The following PRKN variants were observed in gnomAD, a reference collection of about 807,000 sequenced individuals.
The protein encoded by PRKN is E3 ubiquitin-protein ligase parkin.
PRKN carries 56 observed loss-of-function variants against 59.5 expected under a neutral mutation model. The observed-to-expected ratio is 0.94, with a 90% CI of 0.76 to 1.18. The LOEUF (loss-of-function observed/expected upper bound fraction) is 1.18, where lower values mean the gene tolerates loss of function less well. Among genes scored for constraint, PRKN ranks in the 50% most tolerant of loss-of-function variants. The pLI is 0.00. For synonymous variants in PRKN, 250 were observed against 222.1 expected (o/e 1.13, Z -1.12); for missense variants, 657 against 596.4 (o/e 1.10, Z -1.06).
intron 5 of PRKN, among the ~76,000 whole-genome samples, chr6:162,004,189 G>A (rs141130943): frequency 5.9e-5 from 9 of 152,248 alleles, no homozygotes; most frequent in Non-Finnish European, 1.2e-4. Context: ...ACTTGGTACT[G>A]TCCTAGTGAA....
At chr6:161,776,987 T>C (rs1332571200) in intron 7 of PRKN, among the ~76,000 whole-genome samples, 1 of 152,224 alleles carries the variant, frequency 6.6e-6, no homozygotes, top group African/African-American at 2.4e-5. Flanking sequence ...AAAGGTATGA[T>C]AGTTTAACTG....
chr6:162,181,678 A>G (rs747708503), intron 4 of PRKN, among the ~76,000 whole-genome samples: 1 of 152,196 alleles, frequency 6.6e-6, no homozygotes, highest in Non-Finnish European at 1.5e-5. Context: ...AGGGAAAGAA[A>G]CTAAGAATCA....
chr6:162,247,367 T>C (rs1779244565), intron 3 of PRKN, among the ~76,000 whole-genome samples: 1 of 152,168 alleles, frequency 6.6e-6, no homozygotes, highest in Non-Finnish European at 1.5e-5. Context: ...TTTGTACCAG[T>C]ATATGAAATG....
rs551440684 is a variant in PRKN at position 161,552,971 on chromosome 6, AG to A, written c.934-3969del. ...ACACCCAGCTAGCTTTTGTATTTTTAGTAGAGACGGGGTTTCACCATGTTGG... is the reference window on the plus strand; with the variant it reads ...ACACCCAGCTAGCTTTTGTATTTTTATAGAGACGGGGTTTCACCATGTTGG... On this transcript the variant is annotated intron_variant, in intron 8 of 11. Coordinates refer to ENST00000366898, the MANE Select transcript of PRKN (RefSeq NM_004562.3). This position sits in a 1 kb window ranked among gnomAD's most constrained non-coding sequence, Gnocchi z 4.9. Among the ~76,000 whole-genome samples, 69 of 151,832 alleles carry A rather than the reference AG, an allele frequency of 4.5e-4. No individual in the cohort carries two copies. The highest frequency in any genetic ancestry group is 8.5e-4 in the Non-Finnish European group (58 of 67,912).
intron 4 of PRKN, among the ~76,000 whole-genome samples, chr6:162,166,087 C>A: frequency 6.9e-6 from 1 of 145,622 alleles, no homozygotes; most frequent in Non-Finnish European, 1.5e-5. Flanking sequence ...ATAAAAGCAT[C>A]TGTTTAAAAG....
At chr6:161,723,341 A>G (rs373993342) in intron 7 of PRKN, among the ~76,000 whole-genome samples, 1 of 151,912 alleles carries the variant, frequency 6.6e-6, no homozygotes, top group Non-Finnish European at 1.5e-5. Flanking sequence ...ACAAATCCTC[A>G]TGTCTTTTAA....
intron 2 of PRKN, among the ~76,000 whole-genome samples, chr6:162,433,093 G>C (rs932451562): frequency 3.3e-5 from 5 of 152,136 alleles, no homozygotes; most frequent in Non-Finnish European, 4.4e-5. Context: ...AGAATAAATC[G>C]TGGGATGAAT....
intron 3 of PRKN, among the ~76,000 whole-genome samples, chr6:162,251,121 C>T (rs566052422): frequency 1.3e-5 from 2 of 152,144 alleles, no homozygotes; most frequent in African/African-American, 2.4e-5. Flanking sequence ...TTGTCCCAGG[C>T]CTAAAATCTT....
intron 1 of PRKN, among the ~76,000 whole-genome samples, chr6:162,699,560 G>A (rs1168635253): frequency 1.3e-5 from 2 of 152,114 alleles, no homozygotes; most frequent in East Asian, 3.9e-4. Context: ...CCCATTGTTT[G>A]CCAGGTTCTT....
chr6:162,436,176 C>CAAAAAA (rs35792526), intron 2 of PRKN, among the ~76,000 whole-genome samples: 2 of 54,682 alleles, frequency 3.7e-5, no homozygotes, highest in African/African-American at 1.3e-4. Flanking sequence ...ACTCCATCTC[C>CAAAAAA]AAAAAAAAAA....
intron 1 of PRKN, among the ~76,000 whole-genome samples, chr6:162,463,920 T>C (rs1354754878): frequency 6.6e-6 from 1 of 152,228 alleles, no homozygotes; most frequent in Admixed American, 6.5e-5. Context: ...CTGAAGCTGT[T>C]ATTTTGTTGT....
chr6:161,952,738 T>C (rs1780035283), intron 6 of PRKN, among the ~76,000 whole-genome samples: 1 of 152,192 alleles, frequency 6.6e-6, no homozygotes, highest in African/African-American at 2.4e-5. Flanking sequence ...AGACAGATAT[T>C]TATGTGTGAT....
intron 7 of PRKN, among the ~76,000 whole-genome samples, chr6:161,733,646 C>T (rs927207038): frequency 1.3e-5 from 2 of 151,498 alleles, no homozygotes; most frequent in Non-Finnish European, 2.9e-5. Flanking sequence ...AAAGCTTGAT[C>T]CCAAAGAGAG....
At chr6:161,365,609 C>T (rs9456665) in intron 10 of PRKN, among the ~76,000 whole-genome samples, 51,844 of 152,004 alleles carry the variant, frequency 0.34, 9,912 homozygotes, top group African/African-American at 0.5. Flanking sequence ...ATTAAAGTTA[C>T]AGCAAAAGAA....
chr6:162,048,251 T>G (rs1777463408), intron 5 of PRKN, among the ~76,000 whole-genome samples: 1 of 152,186 alleles, frequency 6.6e-6, no homozygotes, highest in Non-Finnish European at 1.5e-5. Context: ...AATAAGAATT[T>G]CTTTAAAATG....
chr6:162,454,944 A>G (rs1381617806), intron 1 of PRKN, among the ~76,000 whole-genome samples: 1 of 152,170 alleles, frequency 6.6e-6, no homozygotes, highest in Admixed American at 6.5e-5. Context: ...GGCATTAGGA[A>G]CGATGATGTA....
chr6:162,212,823 A>G lies in PRKN; in HGVS notation c.413-11571T>C, dbSNP rs534829062. 3.9e-5 allele frequency among the ~76,000 whole-genome samples: 6 copies of G among 152,310 alleles called. No individual in the cohort carries two copies. In the East Asian group the frequency reaches 1.2e-3, roughly 29 times the overall value. On this transcript the variant is annotated intron_variant, in intron 3 of 11. Transcript: ENST00000366898. ...ACCTGTAGAGCATGTTACTGTACTG[A>G]ATACTGCAGGCAGTAACTGTAACAG...
At chr6:161,617,492 T>G (rs1782740417) in intron 7 of PRKN, among the ~76,000 whole-genome samples, 1 of 152,268 alleles carries the variant, frequency 6.6e-6, no homozygotes, top group South Asian at 2.1e-4. Flanking sequence ...ATTAACAATC[T>G]ACATTTCGCT....
At chr6:162,474,333 T>C (rs1478755852) in intron 1 of PRKN, among the ~76,000 whole-genome samples, 1 of 152,234 alleles carries the variant, frequency 6.6e-6, no homozygotes, top group Non-Finnish European at 1.5e-5. Flanking sequence ...ATGTATTTAA[T>C]TCTCTCCTGC....
Sources: allele counts gnomAD v4.1 joint callset (sites outside exome capture counted in the v4.1 genomes callset), GRCh38; gene constraint gnomAD v4.1.1; non-coding constraint Gnocchi (gnomAD v3.1); transcripts MANE v1.5; gene names NCBI Gene and HGNC (gene_info 2026-07-23, HGNC 2026-07-21).